The following NKX1-2 variants were observed in gnomAD, a reference collection of about 807,000 sequenced individuals.
NKX1-2 encodes NK1 homeobox 2.
A neutral mutation model predicts 4.4 loss-of-function variants in NKX1-2; 1 was observed. The observed-to-expected ratio is 0.23, with a 90% CI of 0.08 to 1.08. The LOEUF (loss-of-function observed/expected upper bound fraction) is 1.08, where lower values mean the gene tolerates loss of function less well. Among genes scored for constraint, NKX1-2 ranks in the 50% least tolerant of loss-of-function variants. NKX1-2 has a pLI of 0.55. For synonymous variants in NKX1-2, 235 were observed against 228.0 expected (o/e 1.03, Z -0.28); for missense variants, 503 against 464.6 (o/e 1.08, Z -0.76).
chr10:124,447,742 A>G lies in NKX1-2; in HGVS notation c.620T>C (p.Val207Ala). ...CCTGCGATTCTGGAACCAGATTTTG[A>G]CCTGCGTCTCGGTGAGGCTGAGAGA... ...ALSLSLTETQ[V>A]KIWFQNRRTK... is the part of the protein sequence containing the mutation. Residue 207 changes from valine to alanine, a missense_variant, in exon 2 of 2, where the codon GTC becomes GCC. Val to Ala is a moderately conservative substitution (Grantham distance 64, BLOSUM62 0). Transcript: ENST00000451024. 1.4e-6 allele frequency: 2 copies of G among 1,469,478 alleles called. No individual in the cohort carries two copies. Among genetic ancestry groups the G allele is most frequent in the Non-Finnish European group, 1.8e-6 (2 of 1,104,062 alleles). 91.0% of individuals were successfully genotyped at this position (1,469,478 alleles called of 1,614,324 possible).
Position 124,448,108 on chromosome 10 carries a change from T to C in NKX1-2, c.254A>G (p.Glu85Gly). ...GPGAGQASPL[E>G]GSEAEEEEDA... Reference sequence around the variant, plus strand: ...CTCCTCCTCTTCCGCCTCGGAACCCTCCAGGGGGGACGCCTGGCCGGCGCC... The same window carrying C: ...CTCCTCCTCTTCCGCCTCGGAACCCCCCAGGGGGGACGCCTGGCCGGCGCC... The change falls in exon 2 of 2, where the codon GAG becomes GGG. Residue 85 changes from glutamate to glycine, a missense_variant. Coordinates refer to ENST00000451024, the MANE Select transcript of NKX1-2 (RefSeq NM_001146340.3). The surrounding 1 kb of genome is among the most constrained non-coding windows in gnomAD (Gnocchi z 4.1). 1 of 1,511,132 alleles carries C rather than the reference T, an allele frequency of 6.6e-7. No individual in the cohort carries two copies. The highest frequency in any genetic ancestry group is 8.8e-7 in the Non-Finnish European group (1 of 1,135,794). 93.6% of individuals were successfully genotyped at this position (1,511,132 alleles called of 1,614,324 possible).
Position 124,449,522 on chromosome 10 carries a change from C to T in NKX1-2, c.214+208G>A, listed in dbSNP as rs1306952268. The T allele has an allele frequency of 4.3e-6, 3 of 698,900 alleles. No homozygotes were observed. In the Admixed American group the frequency reaches 6.0e-5, roughly 14 times the overall value. The allele number at this position is 698,900 out of a possible 1,614,324, so 43.3% of individuals were successfully genotyped here. On this transcript the variant is annotated intron_variant, in intron 1 of 1. Transcript: ENST00000451024. This position sits in a 1 kb window ranked among gnomAD's most constrained non-coding sequence, Gnocchi z 7.5. ...TGAGCTTGGCGGGTGAGCAGGGATG[C>T]GGCAAATCCCTGCCCTGTAATGCGG...
Position 124,449,337 on chromosome 10 carries a change from T to G in NKX1-2, c.214+393A>C. The stretch of plus-strand genomic sequence containing the variant: ...AAAATGGAGGTGATGTTAATGATGC[T>G]GTCCATCTCTCAGGTTCCGAAGTTT... On this transcript the variant is annotated intron_variant, in intron 1 of 1. Transcript: ENST00000451024. This position sits in a 1 kb window ranked among gnomAD's most constrained non-coding sequence, Gnocchi z 7.5. The G allele has an allele frequency of 8.8e-6, 4 of 456,940 alleles. No individual in the cohort carries two copies. The highest frequency in any genetic ancestry group is 6.4e-5 in the South Asian group (4 of 62,390). The allele number at this position is 456,940 out of a possible 1,614,324, so 28.3% of individuals were successfully genotyped here.
Position 124,448,858 on chromosome 10 carries a change from C to G in NKX1-2, c.215-711G>C, listed in dbSNP as rs1400496739. Among the ~76,000 whole-genome samples, 1 of 152,170 alleles carries G rather than the reference C, an allele frequency of 6.6e-6. No homozygotes were observed. Among genetic ancestry groups the G allele is most frequent in the Non-Finnish European group, 1.5e-5 (1 of 68,014 alleles). ...AGAGAAGATCCGAACAATTACCAGG[C>G]CGCCTGCCTGGGCCCAAGTGCGGCC... On this transcript the variant is annotated intron_variant, in intron 1 of 1. Transcript: ENST00000451024. The surrounding 1 kb of genome is among the most constrained non-coding windows in gnomAD (Gnocchi z 4.1).
rs1952268648 is a variant in NKX1-2 at position 124,448,652 on chromosome 10, T to G, written c.215-505A>C. On this transcript the variant is annotated intron_variant, in intron 1 of 1. Coordinates refer to ENST00000451024, the MANE Select transcript of NKX1-2 (RefSeq NM_001146340.3). This position sits in a 1 kb window ranked among gnomAD's most constrained non-coding sequence, Gnocchi z 4.1. ...CCGCCGTGTTAATAGAGTTTCAGAT[T>G]TGTGCGGGGCCGGATCGATAGATGT... The G allele has an allele frequency of 6.6e-6, 1 of 152,558 alleles. No homozygotes were observed. Among genetic ancestry groups the G allele is most frequent in the African/African-American group, 2.4e-5 (1 of 41,402 alleles). 9.5% of individuals were successfully genotyped at this position (152,558 alleles called of 1,614,324 possible).
Position 124,447,100 on chromosome 10 carries a change from G to A in NKX1-2, c.*329C>T. On this transcript the variant is annotated 3_prime_UTR_variant, in exon 2 of 2. Coordinates refer to ENST00000451024, the MANE Select transcript of NKX1-2 (RefSeq NM_001146340.3). ...AGCAGCTGGCAGCCAGGGCGTCTCT[G>A]CTCCCTGTATTTCCCTCCTGGCATC... The A allele has an allele frequency of 4.5e-6, 1 of 221,678 alleles. No individual in the cohort carries two copies. The highest frequency in any genetic ancestry group is 8.8e-6 in the Non-Finnish European group (1 of 113,424). The allele number at this position is 221,678 out of a possible 1,614,324, so 13.7% of individuals were successfully genotyped here.
In NKX1-2 at chr10:124,447,470, C is replaced by G; in HGVS notation, c.892G>C (p.Gly298Arg). 1 of 1,267,612 alleles carries G rather than the reference C, an allele frequency of 7.9e-7. No homozygotes were observed. The allele number at this position is 1,267,612 out of a possible 1,614,324, so 78.5% of individuals were successfully genotyped here. A position where few individuals can be genotyped will look rare whatever the true frequency, so the allele number is the denominator to read the frequency against. The stretch of plus-strand genomic sequence containing the variant: ...TAGAAGGGGGTCAGGTAGGAAGGCC[C>G]AAGGAACGGCGCGAAAGGGCTCCCG... Reference protein sequence around the residue: ...APGSPFAPFLGPSYLTPFYAP... With the variant: ...APGSPFAPFLRPSYLTPFYAP... Residue 298 changes from glycine to arginine, a missense_variant, in exon 2 of 2, where the codon GGG becomes CGG. Coordinates refer to ENST00000451024, the MANE Select transcript of NKX1-2 (RefSeq NM_001146340.3).
chr10:124,448,854 C>T lies in NKX1-2; in HGVS notation c.215-707G>A, dbSNP rs1317127977. Among the ~76,000 whole-genome samples, 1 of 152,164 alleles carries T rather than the reference C, an allele frequency of 6.6e-6. No individual in the cohort carries two copies. The highest frequency in any genetic ancestry group is 1.5e-5 in the Non-Finnish European group (1 of 68,016). On this transcript the variant is annotated intron_variant, in intron 1 of 1. Transcript: ENST00000451024. The surrounding 1 kb of genome is among the most constrained non-coding windows in gnomAD (Gnocchi z 4.1). ...TCGGAGAGAAGATCCGAACAATTACCAGGCCGCCTGCCTGGGCCCAAGTGC... is the reference window on the plus strand; with the variant it reads ...TCGGAGAGAAGATCCGAACAATTACTAGGCCGCCTGCCTGGGCCCAAGTGC...
At position 124,447,650 on chromosome 10, in the gene NKX1-2, G is replaced by T; in HGVS notation, c.712C>A (p.Pro238Thr). The T allele has an allele frequency of 3.0e-6, 4 of 1,336,460 alleles. No individual in the cohort carries two copies. Among genetic ancestry groups the T allele is most frequent in the Non-Finnish European group, 3.9e-6 (4 of 1,037,420 alleles). The allele number at this position is 1,336,460 out of a possible 1,614,324, so 82.8% of individuals were successfully genotyped here. A position where few individuals can be genotyped will look rare whatever the true frequency, so the allele number is the denominator to read the frequency against. Reference sequence around the variant, plus strand: ...CCGCCGCCGCCCCCCGCCGCCCCTGGCTGGGGCGCGCCACCCCCCACCTGC... The same window carrying T: ...CCGCCGCCGCCCCCCGCCGCCCCTGTCTGGGGCGCGCCACCCCCCACCTGC... ...AAQVGGGAPQPGAAGGGGGGG... is the reference protein window; with the variant it reads ...AAQVGGGAPQTGAAGGGGGGG... The change falls in exon 2 of 2, where the codon CCA (proline) becomes ACA (threonine). Residue 238 changes from proline to threonine, a missense_variant. Pro to Thr is a conservative substitution (Grantham distance 38). Coordinates refer to ENST00000451024, the MANE Select transcript of NKX1-2 (RefSeq NM_001146340.3).
Position 124,445,331 on chromosome 10 carries a change from C to G in NKX1-2, c.*2098G>C, listed in dbSNP as rs141552805. ...AAAGCCACTGGGCCTTTTAAAGCAG[C>G]AGAAGTCCAAAGTCACACGCTTCAA... is the stretch of plus-strand genomic sequence containing the variant. On this transcript the variant is annotated 3_prime_UTR_variant, in exon 2 of 2. Transcript: ENST00000451024. The G allele has an allele frequency of 2.3e-3, 356 of 152,284 alleles. 4 individuals are homozygous for G. The highest frequency in any genetic ancestry group is 8.1e-3 in the African/African-American group (338 of 41,558). 9.4% of individuals were successfully genotyped at this position (152,284 alleles called of 1,614,324 possible).
Position 124,448,100 on chromosome 10 carries a change from C to T in NKX1-2, c.262G>A (p.Glu88Lys), listed in dbSNP as rs1236517859. The change falls in exon 2 of 2, where the codon GAG becomes AAG. Residue 88 changes from glutamate to lysine, a missense_variant. By Grantham distance (56) the Glu-to-Lys change is moderately conservative (BLOSUM62 1). Transcript: ENST00000451024. This position sits in a 1 kb window ranked among gnomAD's most constrained non-coding sequence, Gnocchi z 4.1. ...AGQASPLEGS[E>K]AEEEEDAEDP... ...TCCGCATCCTCCTCCTCTTCCGCCT[C>T]GGAACCCTCCAGGGGGGACGCCTGG... 1.1e-5 allele frequency: 16 copies of T among 1,518,694 alleles called. No individual in the cohort carries two copies. The highest frequency in any genetic ancestry group is 1.4e-5 in the Non-Finnish European group (16 of 1,138,514). The allele number at this position is 1,518,694 out of a possible 1,614,324, so 94.1% of individuals were successfully genotyped here.
rs377493607 is a variant in NKX1-2, at chr10:124,447,327, G to GGCGT, written c.*101_*102insACGC. ...GGGTGCGCGCGGCGGGCAGGGGTGC[G>GGCGT]CTGACACCCGCGCACCTGCACCCCC... On this transcript the variant is annotated 3_prime_UTR_variant, in exon 2 of 2. Transcript: ENST00000451024. The GGCGT allele has an allele frequency of 2.6e-5, 24 of 914,424 alleles. No individual in the cohort carries two copies. The highest frequency in any genetic ancestry group is 3.4e-5 in the Non-Finnish European group (23 of 685,140). 56.6% of individuals were successfully genotyped at this position (914,424 alleles called of 1,614,324 possible). A position where few individuals can be genotyped will look rare whatever the true frequency, so the allele number is the denominator to read the frequency against.
Position 124,448,080 on chromosome 10 carries a change from ATCC to A in NKX1-2, c.279_281del (p.Glu93del), listed in dbSNP as rs1343019406. ...GCCGCGGCCTCCTCGGATCCTCCGCATCCTCCTCCTCTTCCGCCTCGGAACCCT... is the reference window on the plus strand; with the variant it reads ...GCCGCGGCCTCCTCGGATCCTCCGCATCCTCCTCTTCCGCCTCGGAACCCT... On this transcript the variant is annotated inframe_deletion, in exon 2 of 2. Coordinates refer to ENST00000451024, the MANE Select transcript of NKX1-2 (RefSeq NM_001146340.3). The surrounding 1 kb of genome is among the most constrained non-coding windows in gnomAD (Gnocchi z 4.1). The A allele has an allele frequency of 2.0e-6, 3 of 1,522,534 alleles. No homozygotes were observed. The highest frequency in any genetic ancestry group is 1.4e-5 in the African/African-American group (1 of 70,916). The allele number at this position is 1,522,534 out of a possible 1,614,324, so 94.3% of individuals were successfully genotyped here. A position where few individuals can be genotyped will look rare whatever the true frequency, so the allele number is the denominator to read the frequency against.
In NKX1-2 at chr10:124,448,907, G is replaced by A. The variant is rs1386297911; in HGVS notation, c.215-760C>T. Among the ~76,000 whole-genome samples the A allele has an allele frequency of 6.6e-6, 1 of 152,152 alleles. No individual in the cohort carries two copies. The highest frequency in any genetic ancestry group is 2.4e-5 in the African/African-American group (1 of 41,444). The stretch of plus-strand genomic sequence containing the variant: ...CCGCCAGAGGCGCCCCGGGCCCCAG[G>A]CAATCACCGCCAAACTTGGGGAGGG... On this transcript the variant is annotated intron_variant, in intron 1 of 1. Coordinates refer to ENST00000451024, the MANE Select transcript of NKX1-2 (RefSeq NM_001146340.3). This position sits in a 1 kb window ranked among gnomAD's most constrained non-coding sequence, Gnocchi z 4.1.
rs1952229871 is a variant in NKX1-2, at chr10:124,445,400, T to C, written c.*2029A>G. 1 of 152,222 alleles carries C rather than the reference T, an allele frequency of 6.6e-6. No homozygotes were observed. The highest frequency in any genetic ancestry group is 2.4e-5 in the African/African-American group (1 of 41,466). The allele number at this position is 152,222 out of a possible 1,614,324, so 9.4% of individuals were successfully genotyped here. On this transcript the variant is annotated 3_prime_UTR_variant, in exon 2 of 2. Transcript: ENST00000451024. ...CTGTGGAAACCAGAAGGGTCAGGAATTACAGCACCGTGCTGGGCCACGAAC... is the reference window on the plus strand; with the variant it reads ...CTGTGGAAACCAGAAGGGTCAGGAACTACAGCACCGTGCTGGGCCACGAAC...
At position 124,449,164 on chromosome 10, in the gene NKX1-2, G is replaced by T. The variant is rs1952273200; in HGVS notation, c.214+566C>A. ...CTTCCCAACACTCCATCCGAGCCCCGCCCCCAGCCCAGTCCCAGTTAACAG... is the reference window on the plus strand; with the variant it reads ...CTTCCCAACACTCCATCCGAGCCCCTCCCCCAGCCCAGTCCCAGTTAACAG... On this transcript the variant is annotated intron_variant, in intron 1 of 1. Coordinates refer to ENST00000451024, the MANE Select transcript of NKX1-2 (RefSeq NM_001146340.3). This position sits in a 1 kb window ranked among gnomAD's most constrained non-coding sequence, Gnocchi z 7.5. 6.6e-6 allele frequency among the ~76,000 whole-genome samples: 1 copy of T among 152,132 alleles called. No homozygotes were observed. Among genetic ancestry groups the T allele is most frequent in the African/African-American group, 2.4e-5 (1 of 41,422 alleles).
At position 124,447,288 on chromosome 10, in the gene NKX1-2, C is replaced by G. The variant is rs1952246817; in HGVS notation, c.*141G>C. On this transcript the variant is annotated 3_prime_UTR_variant, in exon 2 of 2. Transcript: ENST00000451024. ...CGGCAGATCCCTGACCCCTTGGTGG[C>G]CCGCGAGGATCGCGGGTGCGCGCGG... 3.1e-5 allele frequency: 14 copies of G among 453,856 alleles called. No homozygotes were observed. The highest frequency in any genetic ancestry group is 4.5e-5 in the Non-Finnish European group (13 of 288,820). The allele number at this position is 453,856 out of a possible 1,614,324, so 28.1% of individuals were successfully genotyped here.
Position 124,448,040 on chromosome 10 carries a change from C to A in NKX1-2, c.322G>T (p.Ala108Ser). Residue 108 changes from alanine (A) to serine (S), a missense_variant, in exon 2 of 2, where the codon GCG becomes TCG. Ala to Ser is a moderately conservative substitution (Grantham distance 99). Transcript: ENST00000451024. The surrounding 1 kb of genome is among the most constrained non-coding windows in gnomAD (Gnocchi z 4.1). ...PRRPRLRERA[A>S]RLLPGLARSP... ...CGCGCTAGGCCCGGCAGCAAGCGCG[C>A]AGCCCGCTCCCGCAGCCGCGGCCTC... 1 of 1,518,340 alleles carries A rather than the reference C, an allele frequency of 6.6e-7. No individual in the cohort carries two copies. Among genetic ancestry groups the A allele is most frequent in the Non-Finnish European group, 8.8e-7 (1 of 1,138,382 alleles). 94.1% of individuals were successfully genotyped at this position (1,518,340 alleles called of 1,614,324 possible). A position where few individuals can be genotyped will look rare whatever the true frequency, so the allele number is the denominator to read the frequency against.
In NKX1-2 at chr10:124,449,165, C is replaced by A. The variant is rs1952273252; in HGVS notation, c.214+565G>T. Among the ~76,000 whole-genome samples the A allele has an allele frequency of 6.6e-6, 1 of 152,332 alleles. No individual in the cohort carries two copies. The highest frequency in any genetic ancestry group is 2.4e-5 in the African/African-American group (1 of 41,564). ...TTCCCAACACTCCATCCGAGCCCCGCCCCCAGCCCAGTCCCAGTTAACAGT... is the reference window on the plus strand; with the variant it reads ...TTCCCAACACTCCATCCGAGCCCCGACCCCAGCCCAGTCCCAGTTAACAGT... On this transcript the variant is annotated intron_variant, in intron 1 of 1. Transcript: ENST00000451024. This position sits in a 1 kb window ranked among gnomAD's most constrained non-coding sequence, Gnocchi z 7.5.
Sources: allele counts gnomAD v4.1 joint callset (sites outside exome capture counted in the v4.1 genomes callset), GRCh38; gene constraint gnomAD v4.1.1; non-coding constraint Gnocchi (gnomAD v3.1); transcripts MANE v1.5; gene names NCBI Gene and HGNC (gene_info 2026-07-23, HGNC 2026-07-21).